Variants in RBM39 observed in about 807,000 individuals in gnomAD.
RBM39 encodes the protein RNA-binding protein 39.
Under a neutral mutation model 79.6 loss-of-function variants are expected in RBM39, and 12 were observed. The ratio of observed to expected loss-of-function variants is 0.15; its 90% confidence interval spans 0.10 to 0.24. The LOEUF (loss-of-function observed/expected upper bound fraction) is 0.24. Among genes scored for constraint, RBM39 ranks in the 10% least tolerant of loss-of-function variants. The pLI is 1.00. For missense variants in RBM39, 243 were observed against 653.4 expected (o/e 0.37, Z 6.85); for synonymous variants, 185 against 208.4 (o/e 0.89, Z 0.97).
At chr20:35,716,364 G>A (rs536017209) in intron 10 of RBM39, among the ~76,000 whole-genome samples, 44 of 152,192 alleles carry the variant, frequency 2.9e-4, no homozygotes, top group African/African-American at 1.1e-3. Context: ...ATAAGCCACC[G>A]CGCCCGGCCA....
intron 3 of RBM39, 71 bp from the exon 4 acceptor site, chr20:35,732,206 C>A: frequency 7.5e-7 from 1 of 1,340,244 alleles, no homozygotes; most frequent in Non-Finnish European, 1.1e-6. Context: ...CTTTTATGGC[C>A]AGAATCATTT....
intron 2 of RBM39, 30 bp downstream of exon 2, chr20:35,740,794 T>C (rs375839457): frequency 1.3e-5 from 20 of 1,591,382 alleles, no homozygotes; most frequent in East Asian, 2.2e-5. Flanking sequence ...TTAAGAAATA[T>C]ATAAACCTCA....
At chr20:35,712,936 A>G (rs947633770) in intron 12 of RBM39, 83 bp downstream of exon 12, 4 of 1,059,222 alleles carry the variant, frequency 3.8e-6, no homozygotes, top group African/African-American at 1.6e-5. Context: ...AATTCTCAGT[A>G]AGTCCTTTTA....
chr20:35,726,680 T>A (rs2038731093), intron 6 of RBM39, among the ~76,000 whole-genome samples: 1 of 152,246 alleles, frequency 6.6e-6, no homozygotes, highest in South Asian at 2.1e-4. Context: ...ACAGTGTCTA[T>A]TAACATCATC....
chr20:35,723,135 T>C (rs2038202185), intron 8 of RBM39, among the ~76,000 whole-genome samples: 1 of 152,038 alleles, frequency 6.6e-6, no homozygotes, highest in Non-Finnish European at 1.5e-5. Flanking sequence ...CGTAGTTGTT[T>C]GTGATAAAAT....
At chr20:35,736,114 C>T (rs1258360003) in intron 3 of RBM39, among the ~76,000 whole-genome samples, 2 of 66,038 alleles carry the variant, frequency 3.0e-5, no homozygotes, top group Non-Finnish European at 8.8e-5. Flanking sequence ...CGGCCTGACA[C>T]CTAAATTGGA....
chr20:35,724,147 C>A (rs1158218031), intron 8 of RBM39, among the ~76,000 whole-genome samples: 1 of 152,034 alleles, frequency 6.6e-6, no homozygotes, highest in African/African-American at 2.4e-5. Context: ...GCCTGGCCAA[C>A]ATGATGAAAC....
chr20:35,708,039 G>T (rs916656895), intron 13 of RBM39: 6 of 349,126 alleles, frequency 1.7e-5, no homozygotes, highest in South Asian at 1.1e-4. Context: ...TAAAATAAAC[G>T]ATCACTTAAA....
intron 6 of RBM39, 63 bp downstream of exon 6, chr20:35,729,249 T>C: frequency 7.2e-7 from 1 of 1,384,908 alleles, no homozygotes; most frequent in Non-Finnish European, 9.8e-7. Context: ...TATCATCAAA[T>C]TTAACAGTAC....
At chr20:35,723,414 TC>T (rs1295870324) in intron 8 of RBM39, among the ~76,000 whole-genome samples, 1 of 152,160 alleles carries the variant, frequency 6.6e-6, no homozygotes, top group Non-Finnish European at 1.5e-5. Flanking sequence ...AAGTTTGTCT[TC>T]CAACATAGGA....
At chr20:35,734,725 A>G in intron 3 of RBM39, 1 of 1,060,364 alleles carries the variant, frequency 9.4e-7, no homozygotes, top group Non-Finnish European at 1.2e-6. Context: ...GGCAGGTAAA[A>G]AGACAGCAAC....
chr20:35,722,368 C>T (rs1436130602), intron 8 of RBM39, among the ~76,000 whole-genome samples: 2 of 148,878 alleles, frequency 1.3e-5, no homozygotes, highest in Non-Finnish European at 3.0e-5. Flanking sequence ...GATCACACCA[C>T]TGCACTCCAG....
chr20:35,719,034 T>C (rs889883531), intron 9 of RBM39, among the ~76,000 whole-genome samples: 2 of 152,150 alleles, frequency 1.3e-5, no homozygotes, highest in African/African-American at 4.8e-5. Flanking sequence ...TTATGTTTAC[T>C]GGAGTTGGGC....
At chr20:35,727,436 T>C (rs2038861078) in intron 6 of RBM39, among the ~76,000 whole-genome samples, 1 of 149,494 alleles carries the variant, frequency 6.7e-6, no homozygotes, top group Non-Finnish European at 1.5e-5. Context: ...TGCTACCACC[T>C]GACAAAATAT....
chr20:35,725,776 G>T, intron 6 of RBM39, among the ~76,000 whole-genome samples: 1 of 150,104 alleles, frequency 6.7e-6, no homozygotes, highest in East Asian at 2.0e-4. Flanking sequence ...CAATTCTGCT[G>T]CCTCAGCCTC....
intron 13 of RBM39, chr20:35,707,449 AAACTTT>A (rs2035881516): frequency 3.4e-6 from 1 of 290,700 alleles, no homozygotes; most frequent in Non-Finnish European, 6.4e-6. Flanking sequence ...CAGGGAAATT[AAACTTT>A]ATGTGTTATC....
At chr20:35,726,904 C>T (rs1404068544) in intron 6 of RBM39, among the ~76,000 whole-genome samples, 2 of 152,132 alleles carry the variant, frequency 1.3e-5, no homozygotes, top group Non-Finnish European at 2.9e-5. Flanking sequence ...TGGCTCATCA[C>T]AACCTCCATC....
intron 3 of RBM39, chr20:35,735,225 C>A: frequency 8.1e-7 from 1 of 1,238,626 alleles, no homozygotes. Context: ...ACGGAATGGA[C>A]GCTGATTTAG....
At chr20:35,705,906 T>A (rs2035669956) in intron 14 of RBM39, among the ~76,000 whole-genome samples, 1 of 152,112 alleles carries the variant, frequency 6.6e-6, no homozygotes, top group South Asian at 2.1e-4. Flanking sequence ...AAGTGACTTT[T>A]AAATAGTTAA....
Sources: allele counts gnomAD v4.1 joint callset (sites outside exome capture counted in the v4.1 genomes callset), GRCh38; gene constraint gnomAD v4.1.1; transcripts MANE v1.5; gene names NCBI Gene and HGNC (gene_info 2026-07-23, HGNC 2026-07-21).